GLCE: variants seen among roughly 807,000 people sequenced by gnomAD.
The protein encoded by GLCE is glucuronic acid epimerase.
GLCE carries 19 observed loss-of-function variants against 47.9 expected under a neutral mutation model. The ratio of observed to expected loss-of-function variants is 0.40; its 90% CI spans 0.28 to 0.58. The LOEUF (loss-of-function observed/expected upper bound fraction) is 0.58, where lower values mean the gene tolerates loss of function less well. GLCE is among the 20% of genes least tolerant of loss of function. The pLI is 0.48. For synonymous variants in GLCE, 245 were observed against 263.4 expected (o/e 0.93, Z 0.68); for missense variants, 556 against 743.3 (o/e 0.75, Z 2.93).
chr15:69,223,040 A>C (rs750329235), intron 2 of GLCE, among the ~76,000 whole-genome samples: 2 of 152,186 alleles, frequency 1.3e-5, no homozygotes, highest in Non-Finnish European at 2.9e-5. Flanking sequence ...ATCCTTATAC[A>C]TTATGTACCC....
At position 69,269,350 on chromosome 15, in the gene GLCE, G is replaced by A. The variant is rs2053133248; in HGVS notation, c.*106G>A. On this transcript the variant is annotated 3_prime_UTR_variant, in exon 5 of 5. Transcript: ENST00000261858. ...TTAAAAGGTTATGTACTAGGTTTTT[G>A]TGGATTCTATCAAAGTGATAAGTGA... 1.2e-6 allele frequency: 1 copy of A among 858,942 alleles called. No individual in the cohort carries two copies. The highest frequency in any genetic ancestry group is 1.8e-6 in the Non-Finnish European group (1 of 548,332). 53.2% of individuals were successfully genotyped at this position (858,942 alleles called of 1,614,324 possible). A position where few individuals can be genotyped will look rare whatever the true frequency, so the allele number is the denominator to read the frequency against.
At chr15:69,163,388 T>C (rs2051455557) in intron 1 of GLCE, among the ~76,000 whole-genome samples, 1 of 152,194 alleles carries the variant, frequency 6.6e-6, no homozygotes, top group Non-Finnish European at 1.5e-5. Context: ...TAAATACAGT[T>C]AAAAATTGTG....
intron 1 of GLCE, among the ~76,000 whole-genome samples, chr15:69,206,121 C>T: frequency 6.6e-6 from 1 of 152,058 alleles, no homozygotes; most frequent in East Asian, 1.9e-4. Flanking sequence ...ATGACAGTTT[C>T]TCTGCCTTTC....
At chr15:69,247,558 A>G (rs75237521) in intron 2 of GLCE, among the ~76,000 whole-genome samples, 6,386 of 152,310 alleles carry the variant, frequency 0.042, 351 homozygotes, top group East Asian at 0.24. Context: ...TTCCATTGCT[A>G]TCACAGCTTG....
intron 1 of GLCE, among the ~76,000 whole-genome samples, chr15:69,167,201 C>T (rs1485499967): frequency 6.6e-6 from 1 of 152,100 alleles, no homozygotes; most frequent in Admixed American, 6.6e-5. Flanking sequence ...GGTGACAGAG[C>T]AAGACTCATC....
chr15:69,174,879 A>T (rs373857669), intron 1 of GLCE, among the ~76,000 whole-genome samples: 2 of 152,144 alleles, frequency 1.3e-5, no homozygotes, highest in African/African-American at 4.8e-5. Context: ...GGGTTCTTCT[A>T]TCCAACACTG....
chr15:69,185,251 A>G (rs1354984971), intron 1 of GLCE, among the ~76,000 whole-genome samples: 1 of 152,202 alleles, frequency 6.6e-6, no homozygotes, highest in Non-Finnish European at 1.5e-5. Flanking sequence ...CTTTCTGCAA[A>G]AAGGGAAAAA....
chr15:69,167,158 A>G (rs2051516050), intron 1 of GLCE, among the ~76,000 whole-genome samples: 1 of 152,104 alleles, frequency 6.6e-6, no homozygotes, highest in African/African-American at 2.4e-5. Context: ...AGAGGTTGCA[A>G]TGAGCTGAGA....
chr15:69,241,189 T>C (rs1357485488), intron 2 of GLCE, among the ~76,000 whole-genome samples: 22 of 152,220 alleles, frequency 1.4e-4, no homozygotes. Flanking sequence ...TTCTTATCAT[T>C]AAACATCGGC....
At chr15:69,223,901 C>T (rs2052411098) in intron 2 of GLCE, among the ~76,000 whole-genome samples, 1 of 152,086 alleles carries the variant, frequency 6.6e-6, no homozygotes, top group Non-Finnish European at 1.5e-5. Context: ...TCCAGAATTT[C>T]TCTTTGGTTC....
At chr15:69,202,047 C>T (rs898862862) in intron 1 of GLCE, among the ~76,000 whole-genome samples, 6 of 151,942 alleles carry the variant, frequency 3.9e-5, no homozygotes, top group East Asian at 3.9e-4. Flanking sequence ...AGCCTCCCAA[C>T]GAACTGGGAC....
intron 2 of GLCE, among the ~76,000 whole-genome samples, chr15:69,240,817 A>G (rs959280319): frequency 6.6e-6 from 1 of 152,150 alleles, no homozygotes; most frequent in Non-Finnish European, 1.5e-5. Flanking sequence ...GAAAAAGATG[A>G]TTGACATAAA....
chr15:69,169,365 A>G (rs1432663900), intron 1 of GLCE, among the ~76,000 whole-genome samples: 3 of 152,120 alleles, frequency 2.0e-5, no homozygotes, highest in Non-Finnish European at 4.4e-5. Flanking sequence ...ATATAATAAA[A>G]CATATCTCCA....
chr15:69,250,805 TAAA>T (rs35971019), intron 2 of GLCE, among the ~76,000 whole-genome samples: 12 of 126,804 alleles, frequency 9.5e-5, no homozygotes, highest in African/African-American at 8.5e-5. Flanking sequence ...TTTTTATAGT[TAAA>T]AAAAAAAAAA....
intron 1 of GLCE, among the ~76,000 whole-genome samples, chr15:69,184,813 A>G (rs971848189): frequency 6.6e-6 from 1 of 152,206 alleles, no homozygotes; most frequent in Non-Finnish European, 1.5e-5. Context: ...CTCTTCATAC[A>G]GTGGGTACCA....
chr15:69,264,396 G>GCACACA (rs150224477), intron 4 of GLCE, among the ~76,000 whole-genome samples: 1 of 150,714 alleles, frequency 6.6e-6, no homozygotes, highest in African/African-American at 2.4e-5. Context: ...GTGTGCACGT[G>GCACACA]CACACACACA....
At chr15:69,225,328 C>G (rs1217810669) in intron 2 of GLCE, among the ~76,000 whole-genome samples, 1 of 152,116 alleles carries the variant, frequency 6.6e-6, no homozygotes, top group Non-Finnish European at 1.5e-5. Context: ...TCCCTGTCCT[C>G]TTAGTCTTCA....
intron 4 of GLCE, among the ~76,000 whole-genome samples, chr15:69,264,373 TATACACACATGTGTGTGC>T (rs911734216): frequency 1.6e-4 from 25 of 152,252 alleles, no homozygotes; most frequent in East Asian, 3.9e-4. Flanking sequence ...TGTGTGTGTG[TATACACACATGTGTGTGC>T]ACGTGCACAC....
intron 1 of GLCE, among the ~76,000 whole-genome samples, chr15:69,188,377 T>C (rs952675165): frequency 4.6e-5 from 7 of 152,246 alleles, no homozygotes; most frequent in African/African-American, 1.4e-4. Flanking sequence ...ATAGTTTTCT[T>C]ATAATATCTT....
Sources: gnomAD v4.1 joint callset for allele counts (sites outside exome capture counted in the v4.1 genomes callset) on GRCh38, gnomAD v4.1.1 for gene constraint, MANE v1.5 for transcripts, NCBI Gene and HGNC (gene_info 2026-07-23, HGNC 2026-07-21) for gene names.